Variants in PTGFRN observed in about 807,000 individuals in gnomAD.
PTGFRN encodes prostaglandin F2 receptor negative regulator.
Under a neutral mutation model 83.2 loss-of-function variants are expected in PTGFRN, and 35 were observed. That is an observed-to-expected ratio of 0.42 (90% CI 0.32 to 0.56). The LOEUF (loss-of-function observed/expected upper bound fraction) is 0.56. Ranked by LOEUF, PTGFRN falls within the 20% of genes least tolerant of loss-of-function variation. The pLI, the probability that PTGFRN is intolerant of heterozygous loss-of-function variation, is 0.11. For synonymous variants in PTGFRN, 519 were observed against 498.6 expected, an observed-to-expected ratio of 1.04 and a Z score of -0.55; for missense variants, 1,051 against 1,179.5, an observed-to-expected ratio of 0.89 and a Z score of 1.60.
At chr1:116,932,244 C>A (rs563269508) in intron 1 of PTGFRN, among the ~76,000 whole-genome samples, 1 of 152,074 alleles carries the variant, frequency 6.6e-6, no homozygotes, top group African/African-American at 2.4e-5. Flanking sequence ...TTAATGATTC[C>A]TCATGGTTGG....
chr1:116,945,385 CAG>C (rs1446796916), intron 3 of PTGFRN, among the ~76,000 whole-genome samples: 2 of 152,168 alleles, frequency 1.3e-5, no homozygotes, highest in Non-Finnish European at 2.9e-5. Flanking sequence ...ATCTTTCACT[CAG>C]AGTTGAGGTG....
chr1:116,978,114 A>G (rs1219919376), intron 7 of PTGFRN, among the ~76,000 whole-genome samples: 2 of 152,272 alleles, frequency 1.3e-5, no homozygotes, highest in South Asian at 2.1e-4. Flanking sequence ...AATAAACTAG[A>G]AAATCTAGAA....
At chr1:116,943,407 A>G (rs779436593) in intron 2 of PTGFRN, among the ~76,000 whole-genome samples, 7 of 152,208 alleles carry the variant, frequency 4.6e-5, no homozygotes, top group African/African-American at 9.6e-5. Context: ...GAGTAAGGGG[A>G]GAATTCCCCC....
chr1:116,963,082 C>T (rs1650713538), intron 5 of PTGFRN, among the ~76,000 whole-genome samples: 1 of 152,210 alleles, frequency 6.6e-6, no homozygotes, highest in Non-Finnish European at 1.5e-5. Flanking sequence ...CAAACCACAA[C>T]CCAGTTCAAA....
At chr1:116,919,771 A>C (rs1365888989) in intron 1 of PTGFRN, among the ~76,000 whole-genome samples, 1 of 152,254 alleles carries the variant, frequency 6.6e-6, no homozygotes, top group Non-Finnish European at 1.5e-5. Context: ...TAGTCAAAAT[A>C]TATCTTTGAA....
Position 116,958,409 on chromosome 1 carries a change from C to T in PTGFRN, c.1214-2834C>T, listed in dbSNP as rs1205031281. 6.6e-6 allele frequency among the ~76,000 whole-genome samples: 1 copy of T among 152,194 alleles called. No individual in the cohort carries two copies. The highest frequency in any genetic ancestry group is 1.5e-5 in the Non-Finnish European group (1 of 68,032). On this transcript the variant is annotated intron_variant, in intron 4 of 8. Transcript: ENST00000393203. This position sits in a 1 kb window ranked among gnomAD's most constrained non-coding sequence, Gnocchi z 4.9. Reference sequence around the variant, plus strand: ...TTAGAAGACAGTAGGTTTGGTTCATCTGTGAGCTAAGGATGCACTTGAAAG... The same window carrying T: ...TTAGAAGACAGTAGGTTTGGTTCATTTGTGAGCTAAGGATGCACTTGAAAG...
rs562254903 is a variant in PTGFRN at position 116,924,702 on chromosome 1, A to G, written c.49+14450A>G. Among the ~76,000 whole-genome samples the G allele has an allele frequency of 5.9e-5, 9 of 152,326 alleles. No individual in the cohort carries two copies. In the East Asian group the frequency reaches 7.7e-4, roughly 13 times the overall value. ...TCTGTATTGAGCCTGGTGAAGGGCTATTTTTGAAAATTCACTGATGAAGGG... is the reference window on the plus strand; with the variant it reads ...TCTGTATTGAGCCTGGTGAAGGGCTGTTTTTGAAAATTCACTGATGAAGGG... On this transcript the variant is annotated intron_variant, in intron 1 of 8. Coordinates refer to ENST00000393203, the MANE Select transcript of PTGFRN (RefSeq NM_020440.4).
intron 4 of PTGFRN, among the ~76,000 whole-genome samples, chr1:116,957,495 A>G (rs1336923257): frequency 6.6e-6 from 1 of 151,940 alleles, no homozygotes; most frequent in Non-Finnish European, 1.5e-5. Flanking sequence ...TGTTTTTTTA[A>G]TTGACAGATT....
intron 1 of PTGFRN, among the ~76,000 whole-genome samples, chr1:116,912,527 G>A (rs1053636136): frequency 1.3e-5 from 2 of 152,128 alleles, no homozygotes; most frequent in Non-Finnish European, 1.5e-5. Flanking sequence ...GGCTCTCCCC[G>A]TACCACAGAC....
At position 116,918,063 on chromosome 1, in the gene PTGFRN, C is replaced by T. The variant is rs552544159; in HGVS notation, c.49+7811C>T. Among the ~76,000 whole-genome samples, 1 of 152,340 alleles carries T rather than the reference C, an allele frequency of 6.6e-6. No individual in the cohort carries two copies. Among genetic ancestry groups the T allele is most frequent in the African/African-American group, 2.4e-5 (1 of 41,576 alleles). ...AGAATCTCTAGCACAGGGACTCTTG[C>T]ATTTTATAATCCATCTTTCTCTTAT... On this transcript the variant is annotated intron_variant, in intron 1 of 8. Coordinates refer to ENST00000393203, the MANE Select transcript of PTGFRN (RefSeq NM_020440.4). This position sits in a 1 kb window ranked among gnomAD's most constrained non-coding sequence, Gnocchi z 4.1.
At chr1:116,921,392 C>G (rs777611538) in intron 1 of PTGFRN, among the ~76,000 whole-genome samples, 1 of 152,202 alleles carries the variant, frequency 6.6e-6, no homozygotes, top group Non-Finnish European at 1.5e-5. Flanking sequence ...TTTCTGAAAG[C>G]TGGCGCATTG....
rs1651570756 is a variant in PTGFRN at position 116,988,200 on chromosome 1, A to G, written c.*1233A>G. The G allele has an allele frequency of 6.6e-6, 1 of 152,198 alleles. No individual in the cohort carries two copies. The highest frequency in any genetic ancestry group is 1.5e-5 in the Non-Finnish European group (1 of 68,048). The allele number at this position is 152,198 out of a possible 1,614,324, so 9.4% of individuals were successfully genotyped here. ...CTGCAGGGGGTTAGTGAGAAAGGGTATACTTTGTGGTATGTTTTGCTTTCC... is the reference window on the plus strand; with the variant it reads ...CTGCAGGGGGTTAGTGAGAAAGGGTGTACTTTGTGGTATGTTTTGCTTTCC... On this transcript the variant is annotated 3_prime_UTR_variant, in exon 9 of 9. Transcript: ENST00000393203.
At chr1:116,938,501 C>G (rs1017186171) in intron 1 of PTGFRN, among the ~76,000 whole-genome samples, 3 of 152,114 alleles carry the variant, frequency 2.0e-5, no homozygotes, top group Non-Finnish European at 1.5e-5. Context: ...TCAGATCTCA[C>G]GAGACTTACT....
chr1:116,981,409 T>C (rs573089832), intron 7 of PTGFRN, among the ~76,000 whole-genome samples: 1 of 152,214 alleles, frequency 6.6e-6, no homozygotes, highest in Non-Finnish European at 1.5e-5. Flanking sequence ...GTCACAAGTT[T>C]CTATGTGGAG....
chr1:116,930,461 C>T (rs191614435), intron 1 of PTGFRN, among the ~76,000 whole-genome samples: 7 of 152,312 alleles, frequency 4.6e-5, no homozygotes, highest in Non-Finnish European at 7.3e-5. Flanking sequence ...CCACTCCCTC[C>T]GTGCATGTGA....
At chr1:116,974,180 AAG>A (rs1472714075) in intron 6 of PTGFRN, 34 bp from the exon 7 acceptor site, 2 of 1,466,866 alleles carry the variant, frequency 1.4e-6, no homozygotes, top group African/African-American at 2.8e-5. Context: ...AAAAGCATGA[AAG>A]AGAATAATGA....
intron 4 of PTGFRN, among the ~76,000 whole-genome samples, chr1:116,949,961 A>G (rs1218470885): frequency 6.6e-6 from 1 of 152,206 alleles, no homozygotes; most frequent in African/African-American, 2.4e-5. Context: ...GCTTTTCCAA[A>G]GCCCAATGCA....
At position 116,987,571 on chromosome 1, in the gene PTGFRN, CTTTT is replaced by C. The variant is rs60366817; in HGVS notation, c.*620_*623del. 31 of 119,816 alleles carry C rather than the reference CTTTT, an allele frequency of 2.6e-4. No homozygotes were observed. Among genetic ancestry groups the C allele is most frequent in the Non-Finnish European group, 3.4e-4 (20 of 57,988 alleles). The allele number at this position is 119,816 out of a possible 1,614,324, so 7.4% of individuals were successfully genotyped here. On this transcript the variant is annotated 3_prime_UTR_variant, in exon 9 of 9. Coordinates refer to ENST00000393203, the MANE Select transcript of PTGFRN (RefSeq NM_020440.4). ...TATAACTTCTTATTGAGCCCAACTG[CTTTT>C]TTTTTTTTTTTTTTTGCTTCTCTGC...
At chr1:116,965,059 G>T (rs920768163) in intron 5 of PTGFRN, among the ~76,000 whole-genome samples, 2 of 152,098 alleles carry the variant, frequency 1.3e-5, no homozygotes, top group African/African-American at 4.8e-5. Flanking sequence ...GGTCTTAGAT[G>T]TTCTGTACCA....
Sources: allele counts gnomAD v4.1 joint callset (sites outside exome capture counted in the v4.1 genomes callset), GRCh38; gene constraint gnomAD v4.1.1; non-coding constraint Gnocchi (gnomAD v3.1); transcripts MANE v1.5; gene names NCBI Gene and HGNC (gene_info 2026-07-23, HGNC 2026-07-21).